Variants in RORB observed in about 807,000 individuals in gnomAD.
RORB encodes RAR related orphan receptor B.
RORB carries 6 observed loss-of-function variants against 59.1 expected under a neutral mutation model. The ratio of observed to expected loss-of-function variants is 0.10; its 90% CI spans 0.06 to 0.20. The LOEUF is 0.20. RORB is among the 10% of genes least tolerant of loss of function. The probability of loss-of-function intolerance (pLI) is 1.00; values close to 1 mark genes in which losing one functional copy is unlikely to be tolerated. For missense variants in RORB, 320 were observed against 560.5 expected, an observed-to-expected ratio of 0.57 and a Z score of 4.33; for synonymous variants, 215 against 204.5, an observed-to-expected ratio of 1.05 and a Z score of -0.44.
At chr9:74,649,217 C>G (rs1381371851) in intron 4 of RORB, among the ~76,000 whole-genome samples, 1 of 152,094 alleles carries the variant, frequency 6.6e-6, no homozygotes, top group Admixed American at 6.6e-5. Flanking sequence ...CCCAAAAGTG[C>G]TGATATTACA....
At chr9:74,593,483 AAC>A (rs994431761) in intron 1 of RORB, among the ~76,000 whole-genome samples, 3 of 151,560 alleles carry the variant, frequency 2.0e-5, no homozygotes, top group Non-Finnish European at 2.9e-5. Context: ...AAAAAAAAAA[AAC>A]AAAAGAGGAA....
chr9:74,538,973 CCTGAAATGCT>C (rs1180772862), intron 1 of RORB, among the ~76,000 whole-genome samples: 9 of 152,036 alleles, frequency 5.9e-5, no homozygotes, highest in African/African-American at 1.7e-4. Context: ...TGTTTTCATT[CCTGAAATGCT>C]CTTGCTAATG....
intron 4 of RORB, among the ~76,000 whole-genome samples, chr9:74,652,800 A>G (rs922428970): frequency 1.6e-4 from 25 of 152,156 alleles, no homozygotes; most frequent in African/African-American, 6.0e-4. Flanking sequence ...TGGACCATGA[A>G]CTGAGCCAAC....
intron 2 of RORB, among the ~76,000 whole-genome samples, chr9:74,631,688 G>A (rs117085321): frequency 0.019 from 2,898 of 152,222 alleles, 40 homozygotes; most frequent in Admixed American, 0.037. Context: ...GTACTAACCT[G>A]TCAACACACT....
chr9:74,556,301 G>A (rs1587357929), intron 1 of RORB, among the ~76,000 whole-genome samples: 1 of 152,174 alleles, frequency 6.6e-6, no homozygotes, highest in East Asian at 1.9e-4. Flanking sequence ...GGCCTCTGCT[G>A]TAGGTCGTAG....
Position 74,689,434 on chromosome 9 carries a change from A to G in RORB, c.*3816A>G, listed in dbSNP as rs1181276722. The stretch of plus-strand genomic sequence containing the variant: ...TGGCTCTTTTATCCCCCAAAGACTG[A>G]AAGCTGAAGGTGGAGATGTTCTCCA... On this transcript the variant is annotated 3_prime_UTR_variant, in exon 10 of 10. Coordinates refer to ENST00000376896, the MANE Select transcript of RORB (RefSeq NM_006914.4). The G allele has an allele frequency of 6.6e-6, 1 of 152,202 alleles. No individual in the cohort carries two copies. Among genetic ancestry groups the G allele is most frequent in the African/African-American group, 2.4e-5 (1 of 41,436 alleles). 9.4% of individuals were successfully genotyped at this position (152,202 alleles called of 1,614,324 possible). A position where few individuals can be genotyped will look rare whatever the true frequency, so the allele number is the denominator to read the frequency against.
At chr9:74,684,336 G>C (rs189852945) in intron 9 of RORB, among the ~76,000 whole-genome samples, 39 of 152,278 alleles carry the variant, frequency 2.6e-4, no homozygotes, top group African/African-American at 8.9e-4. Flanking sequence ...AGCCTAACTG[G>C]TGATGAGATA....
At position 74,597,245 on chromosome 9, in the gene RORB, G is replaced by A. The variant is rs576609400; in HGVS notation, c.8-33037G>A. On this transcript the variant is annotated intron_variant, in intron 1 of 9. Transcript: ENST00000376896. ...ACTGGTACATCTGAAAAATGAATTA[G>A]GATACCCAAGTTTTAGTCTCAATTC... is the stretch of plus-strand genomic sequence containing the variant. 2.0e-5 allele frequency among the ~76,000 whole-genome samples: 3 copies of A among 152,268 alleles called. No homozygotes were observed. The East Asian group carries it at 5.8e-4, about 29-fold the overall frequency.
rs551144884 is a variant in RORB at position 74,605,140 on chromosome 9, C to T, written c.8-25142C>T. Among the ~76,000 whole-genome samples, 106 of 151,882 alleles carry T rather than the reference C, an allele frequency of 7.0e-4. 1 individual carries two copies. Among genetic ancestry groups the T allele is most frequent in the Admixed American group, 1.6e-3 (25 of 15,262 alleles). On this transcript the variant is annotated intron_variant, in intron 1 of 9. Transcript: ENST00000376896. ...AGTTTAATATGTTTTCATTCAGTCC[C>T]GAAATAACATTCAACATTAAGTATA... is the stretch of plus-strand genomic sequence containing the variant.
At chr9:74,672,107 T>C (rs1249391244) in intron 9 of RORB, among the ~76,000 whole-genome samples, 1 of 152,110 alleles carries the variant, frequency 6.6e-6, no homozygotes, top group Non-Finnish European at 1.5e-5. Flanking sequence ...AGGGATGATA[T>C]TGACAGATCT....
At chr9:74,652,678 A>G (rs1014522298) in intron 4 of RORB, among the ~76,000 whole-genome samples, 1 of 152,196 alleles carries the variant, frequency 6.6e-6, no homozygotes, top group Non-Finnish European at 1.5e-5. Flanking sequence ...TCAGGTCTGC[A>G]TGAAGTAAAA....
At chr9:74,684,222 G>T (rs1824597335) in intron 9 of RORB, among the ~76,000 whole-genome samples, 1 of 152,116 alleles carries the variant, frequency 6.6e-6, no homozygotes, top group Non-Finnish European at 1.5e-5. Flanking sequence ...AAGAGTGGAA[G>T]TTTCTGATTT....
chr9:74,649,934 T>C (rs1587405702), intron 4 of RORB, among the ~76,000 whole-genome samples: 1 of 152,146 alleles, frequency 6.6e-6, no homozygotes, highest in African/African-American at 2.4e-5. Flanking sequence ...TCAGTGTATT[T>C]CTCCTGGAGA....
intron 4 of RORB, among the ~76,000 whole-genome samples, chr9:74,644,802 T>A (rs1317922635): frequency 1.3e-5 from 2 of 152,180 alleles, no homozygotes; most frequent in African/African-American, 4.8e-5. Context: ...AAGGGGAGTC[T>A]TCTAAGAATT....
intron 1 of RORB, among the ~76,000 whole-genome samples, chr9:74,536,292 G>T (rs1400180483): frequency 6.6e-6 from 1 of 151,980 alleles, no homozygotes; most frequent in Non-Finnish European, 1.5e-5. Context: ...TGATGCTGAA[G>T]AAGAGGAGGA....
chr9:74,666,118 C>T (rs1824260379), intron 7 of RORB, among the ~76,000 whole-genome samples: 1 of 152,080 alleles, frequency 6.6e-6, no homozygotes, highest in Non-Finnish European at 1.5e-5. Flanking sequence ...GAAAGCCAGT[C>T]TCTTGCAAAA....
chr9:74,587,627 C>G (rs1251536652), intron 1 of RORB, among the ~76,000 whole-genome samples: 5 of 152,048 alleles, frequency 3.3e-5, no homozygotes, highest in African/African-American at 4.8e-5. Context: ...ATGGCCTTAC[C>G]CACATGTTTG....
At chr9:74,519,110 A>T (rs529410744) in intron 1 of RORB, among the ~76,000 whole-genome samples, 53 of 152,006 alleles carry the variant, frequency 3.5e-4, no homozygotes, top group Non-Finnish European at 5.9e-4. Context: ...CTTTCCTAAG[A>T]ACCTATTTTC....
At chr9:74,684,128 T>C (rs17060408) in intron 9 of RORB, among the ~76,000 whole-genome samples, 8,899 of 152,318 alleles carry the variant, frequency 0.058, 476 homozygotes, top group East Asian at 0.29. Flanking sequence ...ACTGAATATG[T>C]CAACAGCTCT....
Sources: allele counts gnomAD v4.1 joint callset (sites outside exome capture counted in the v4.1 genomes callset), GRCh38; gene constraint gnomAD v4.1.1; transcripts MANE v1.5; gene names NCBI Gene and HGNC (gene_info 2026-07-23, HGNC 2026-07-21).